Variants in RSRP1 observed in about 807,000 individuals in gnomAD.
RSRP1 encodes arginine/serine-rich protein 1.
RSRP1 carries 37 observed loss-of-function variants against 33.0 expected under a neutral mutation model. The observed-to-expected ratio is 1.12, with a 90% CI of 0.86 to 1.48. The LOEUF (loss-of-function observed/expected upper bound fraction) is 1.48, where lower values mean the gene tolerates loss of function less well. Among genes scored for constraint, RSRP1 ranks in the 40% most tolerant of loss-of-function variants. RSRP1 has a pLI of 0.00. For synonymous variants in RSRP1, 167 were observed against 158.7 expected (o/e 1.05, Z -0.40); for missense variants, 402 against 385.3 (o/e 1.04, Z -0.36).
chr1:25,255,931 C>T (rs1639933239), intron 1 of RSRP1, among the ~76,000 whole-genome samples: 2 of 152,042 alleles, frequency 1.3e-5, no homozygotes, highest in Admixed American at 1.3e-4. Flanking sequence ...ACTCGCCCAC[C>T]GCCTGCCTCC....
chr1:25,267,783 G>C (rs1363943293), intron 1 of RSRP1: 1 of 131,484 alleles, frequency 7.6e-6, no homozygotes, highest in East Asian at 2.0e-4. Context: ...CCTTCCTTTA[G>C]AACGCTCAGC....
At chr1:25,256,836 A>G (rs1639965175) in intron 1 of RSRP1, among the ~76,000 whole-genome samples, 1 of 151,880 alleles carries the variant, frequency 6.6e-6, no homozygotes, top group African/African-American at 2.4e-5. Context: ...CCTAAATCTG[A>G]TTTCTCTGGA....
rs746482623 is a variant in RSRP1, at chr1:25,242,680, T to G, written c.782A>C (p.Lys261Thr). ...CTCTTCTGTGGCAGCTTTAGCTGAT[T>G]TTTGTATTGGCTTTGCTACAGAATT... ...SNNSVAKPIQ[K>T]SAKAATEEAS... The change falls in exon 5 of 5, where the codon AAA (lysine) becomes ACA (threonine). Residue 261 changes from lysine (K) to threonine (T), a missense_variant. Transcript: ENST00000243189. 1.9e-6 allele frequency: 3 copies of G among 1,609,550 alleles called. No individual in the cohort carries two copies. The South Asian group carries it at 3.3e-5, about 18-fold the overall frequency.
rs1167700545 is a variant in RSRP1 at position 25,274,654 on chromosome 1, C to T, written c.-66-27625G>A. Among the ~76,000 whole-genome samples, 2 of 133,300 alleles carry T rather than the reference C, an allele frequency of 1.5e-5. 1 individual carries two copies. The highest frequency in any genetic ancestry group is 3.6e-5 in the Non-Finnish European group (2 of 56,116). 87.4% of individuals were successfully genotyped at this position (133,300 alleles called of 152,430 possible). A position where few individuals can be genotyped will look rare whatever the true frequency, so the allele number is the denominator to read the frequency against. ...AGGGCACAGTGGGTGCCATGGCGTG[C>T]ACACACAATAGAGCAGACTGAGCCT... On this transcript the variant is annotated intron_variant, in intron 1 of 1. Transcript: ENST00000561867.
At chr1:25,310,392 C>T (rs1292867512) in intron 1 of RSRP1, among the ~76,000 whole-genome samples, 1 of 132,828 alleles carries the variant, frequency 7.5e-6, no homozygotes, top group Non-Finnish European at 1.8e-5. Flanking sequence ...GATGACTTCT[C>T]CATGTCATGA....
Position 25,303,443 on chromosome 1 carries a change from G to A in RSRP1, c.-67+34535C>T, listed in dbSNP as rs1415350432. The A allele has an allele frequency of 3.6e-6, 5 of 1,378,948 alleles. 2 individuals carry two copies. The highest frequency in any genetic ancestry group is 2.4e-5 in the South Asian group (2 of 84,862). 85.4% of individuals were successfully genotyped at this position (1,378,948 alleles called of 1,614,324 possible). Reference sequence around the variant, plus strand: ...GTGGCTGGGCTGATCTCCGTCGGGGGAGCCAAGTACCTGCCGGTAAGAAAC... The same window carrying A: ...GTGGCTGGGCTGATCTCCGTCGGGGAAGCCAAGTACCTGCCGGTAAGAAAC... On this transcript the variant is annotated intron_variant, in intron 1 of 1. Coordinates refer to the RSRP1 transcript ENST00000561867.
At chr1:25,336,653 C>T (rs1349442025) in intron 1 of RSRP1, among the ~76,000 whole-genome samples, 3 of 149,992 alleles carry the variant, frequency 2.0e-5, no homozygotes, top group Admixed American at 6.6e-5. Context: ...TATCTTTTCT[C>T]CCGCACTCAT....
rs1292116074 is a variant in RSRP1, at chr1:25,243,892, G to A, written c.673-259C>T. The A allele has an allele frequency of 2.4e-5, 29 of 1,201,624 alleles. No individual in the cohort carries two copies. The East Asian group carries it at 1.2e-3, about 49-fold the overall frequency. The allele number at this position is 1,201,624 out of a possible 1,614,324, so 74.4% of individuals were successfully genotyped here. A position where few individuals can be genotyped will look rare whatever the true frequency, so the allele number is the denominator to read the frequency against. ...CTAATTTTTTAATCAGTTTTCTCAG[G>A]TTGAATCAAGTTCACTTTTGAAATG... On this transcript the variant is annotated intron_variant, in intron 3 of 4. Transcript: ENST00000243189.
intron 1 of RSRP1, chr1:25,318,029 G>A (rs1316257644): frequency 3.8e-5 from 5 of 131,614 alleles, no homozygotes; most frequent in African/African-American, 1.3e-4. Flanking sequence ...TATATGCCAG[G>A]TGAAAATATG....
At chr1:25,262,837 C>A (rs911907692) in intron 1 of RSRP1, among the ~76,000 whole-genome samples, 4 of 152,304 alleles carry the variant, frequency 2.6e-5, no homozygotes, top group African/African-American at 7.2e-5. Flanking sequence ...TTTCAAGCCA[C>A]CTGCACATTG....
At chr1:25,277,720 A>G (rs1413255813) in intron 1 of RSRP1, among the ~76,000 whole-genome samples, 1 of 124,788 alleles carries the variant, frequency 8.0e-6, no homozygotes, top group East Asian at 2.0e-4. Flanking sequence ...CTTATTGCCC[A>G]GGGGAGTGCA....
intron 1 of RSRP1, among the ~76,000 whole-genome samples, chr1:25,275,604 A>G (rs1334532667): frequency 1.5e-5 from 2 of 133,046 alleles, no homozygotes; most frequent in Admixed American, 7.3e-5. Flanking sequence ...TACTTTAAGT[A>G]TTACTACATT....
Position 25,246,817 on chromosome 1 carries a change from G to A in RSRP1, c.147C>T (p.Val49=). The change falls in exon 2 of 5, where the codon GTC becomes GTT. Residue 49 remains valine, a synonymous_variant. Transcript: ENST00000243189. ...FSRSSRSHSR[V]SSRFSSRSRR... ...GACTCCTGGACGAAAACCGGCTCGA[G>A]ACGCGGGAATGGGACCGAGAGCTTC... 6.2e-7 allele frequency: 1 copy of A among 1,613,556 alleles called. No homozygotes were observed. Among genetic ancestry groups the A allele is most frequent in the Non-Finnish European group, 8.5e-7 (1 of 1,179,838 alleles).
rs56104927 is a variant in RSRP1, at chr1:25,262,427, GATAA to G, written c.-66-15402_-66-15399del. Among the ~76,000 whole-genome samples the G allele has an allele frequency of 5.8e-3, 889 of 152,298 alleles. 9 individuals carry two copies. Among genetic ancestry groups the G allele is most frequent in the African/African-American group, 0.02 (849 of 41,542 alleles). On this transcript the variant is annotated intron_variant, in intron 1 of 1. Coordinates refer to the RSRP1 transcript ENST00000561867. ...GATATAGGATGTAATATCAGGTAGG[GATAA>G]ATACTTTGAATTCAAACAAAAGTAT...
At chr1:25,296,893 G>A (rs1312824430) in intron 1 of RSRP1, among the ~76,000 whole-genome samples, 1 of 129,468 alleles carries the variant, frequency 7.7e-6, no homozygotes, top group Non-Finnish European at 1.8e-5. Flanking sequence ...GCAGTCTCAG[G>A]AAGTATCTTT....
chr1:25,245,402 A>G, intron 2 of RSRP1, 101 bp from the exon 3 acceptor site: 2 of 1,391,536 alleles, frequency 1.4e-6, no homozygotes, highest in Non-Finnish European at 1.9e-6. Flanking sequence ...TTGTGGTATT[A>G]AATATATTAA....
At chr1:25,251,671 A>G (rs778019111), upstream of RSRP1, among the ~76,000 whole-genome samples, 3 of 152,082 alleles carry the variant, frequency 2.0e-5, no homozygotes, top group South Asian at 2.1e-4. Context: ...GCCCGGCTCA[A>G]AGTTAATATT....
intron 1 of RSRP1, chr1:25,284,518 C>A (rs1307670565): frequency 7.5e-7 from 1 of 1,338,562 alleles, no homozygotes; most frequent in African/African-American, 1.4e-5. Flanking sequence ...TTTCATACCA[C>A]CCTAAATCTC....
rs559088263 is a variant in RSRP1, at chr1:25,315,216, CTTA to C, written c.-67+22759_-67+22761del. Reference sequence around the variant, plus strand: ...CCCCTGATTTTTTTCCTAAAAATCACTTATTATTAGATCAATGAATTGAGTAAT... The same window carrying C: ...CCCCTGATTTTTTTCCTAAAAATCACTTATTAGATCAATGAATTGAGTAAT... On this transcript the variant is annotated intron_variant, in intron 1 of 1. Transcript: ENST00000561867. 6.0e-3 allele frequency among the ~76,000 whole-genome samples: 777 copies of C among 130,076 alleles called. 187 individuals carry two copies. Among genetic ancestry groups the C allele is most frequent in the Non-Finnish European group, 5.6e-3 (311 of 55,366 alleles). The allele number at this position is 130,076 out of a possible 152,430, so 85.3% of individuals were successfully genotyped here.
Sources: allele counts gnomAD v4.1 joint callset (sites outside exome capture counted in the v4.1 genomes callset), GRCh38; gene constraint gnomAD v4.1.1; transcripts MANE v1.5; gene names NCBI Gene and HGNC (gene_info 2026-07-23, HGNC 2026-07-21).